TMEFF2: variants seen among roughly 807,000 people sequenced by gnomAD.
TMEFF2 encodes the protein tomoregulin-2.
TMEFF2 carries 28 observed loss-of-function variants against 53.8 expected under a neutral mutation model. That is an observed-to-expected ratio of 0.52 (90% confidence interval 0.39 to 0.71). TMEFF2 has a LOEUF of 0.71. TMEFF2 is among the 30% of genes least tolerant of loss of function. TMEFF2 has a pLI of 0.00. For missense variants in TMEFF2, 353 were observed against 455.2 expected, an observed-to-expected ratio of 0.78 and a Z score of 2.04; for synonymous variants, 162 against 166.3, an observed-to-expected ratio of 0.97 and a Z score of 0.20.
chr2:192,191,821 A>T, intron 2 of TMEFF2, 59 bp downstream of exon 2: 1 of 1,242,696 alleles, frequency 8.0e-7, no homozygotes, highest in East Asian at 2.4e-5. Flanking sequence ...CTGTAAAGGA[A>T]GATTCCTGCT....
intron 2 of TMEFF2, among the ~76,000 whole-genome samples, chr2:192,185,163 T>C (rs1033612417): frequency 6.6e-6 from 1 of 152,070 alleles, no homozygotes; most frequent in Non-Finnish European, 1.5e-5. Context: ...AAAGTATGTC[T>C]ATTAATAGAT....
intron 4 of TMEFF2, chr2:192,176,885 T>G (rs1029973731): frequency 1.5e-4 from 23 of 151,194 alleles, no homozygotes; most frequent in Non-Finnish European, 4.5e-5. Context: ...GATTTTAGAT[T>G]TGTAAGTTTA....
chr2:192,013,396 CCT>C (rs924672280), intron 5 of TMEFF2, among the ~76,000 whole-genome samples: 1 of 152,064 alleles, frequency 6.6e-6, no homozygotes, highest in African/African-American at 2.4e-5. Flanking sequence ...ACAAACCTAC[CCT>C]GAGTGCCCTA....
intron 3 of TMEFF2, among the ~76,000 whole-genome samples, chr2:192,183,226 T>C (rs1691229333): frequency 6.6e-6 from 1 of 152,060 alleles, no homozygotes; most frequent in South Asian, 2.1e-4. Flanking sequence ...CTTCTGCTAA[T>C]TCTCAGAAAC....
rs1691559381 is a variant in TMEFF2 at position 192,194,574 on chromosome 2, G to A, written c.-50C>T. On this transcript the variant is annotated 5_prime_UTR_variant, in exon 1 of 10. Coordinates refer to ENST00000272771, the MANE Select transcript of TMEFF2 (RefSeq NM_016192.4). This position sits in a 1 kb window ranked among gnomAD's most constrained non-coding sequence, Gnocchi z 4.2. The stretch of plus-strand genomic sequence containing the variant: ...AGCAAACGGCTTCCGAGGAACACAG[G>A]ATCGCGGGGGCCGGGCAGCGGGCTA... 6.3e-7 allele frequency: 1 copy of A among 1,584,882 alleles called. No individual in the cohort carries two copies. The highest frequency in any genetic ancestry group is 8.6e-7 in the Non-Finnish European group (1 of 1,160,780).
intron 4 of TMEFF2, among the ~76,000 whole-genome samples, chr2:192,134,295 C>A (rs192107226): frequency 1.3e-3 from 198 of 152,322 alleles, no homozygotes; most frequent in African/African-American, 4.3e-3. Context: ...AGATACCACA[C>A]CTGATCCCCA....
At chr2:192,034,335 A>C (rs1420136101) in intron 5 of TMEFF2, among the ~76,000 whole-genome samples, 1 of 152,186 alleles carries the variant, frequency 6.6e-6, no homozygotes, top group Non-Finnish European at 1.5e-5. Flanking sequence ...CCTAAAATTT[A>C]AAGTTAGGTT....
intron 4 of TMEFF2, among the ~76,000 whole-genome samples, chr2:192,081,800 C>CTTTTT (rs900552541): frequency 5.4e-5 from 7 of 130,354 alleles, no homozygotes; most frequent in African/African-American, 1.8e-4. Flanking sequence ...AACGATTTCC[C>CTTTTT]TTTTTTTTTT....
At chr2:192,092,983 G>A (rs1461528924) in intron 4 of TMEFF2, among the ~76,000 whole-genome samples, 1 of 152,058 alleles carries the variant, frequency 6.6e-6, no homozygotes, top group Non-Finnish European at 1.5e-5. Flanking sequence ...AACCCACTAG[G>A]TTTATGGTAA....
chr2:192,193,753 TAGATAGATAG>T (rs1317799144), intron 1 of TMEFF2, among the ~76,000 whole-genome samples: 3,182 of 122,652 alleles, frequency 0.026, 162 homozygotes, highest in Middle Eastern at 0.042. Context: ...GAGAGAGAGA[TAGATAGATAG>T]AGAGAGAGAG....
At chr2:192,053,479 C>T (rs1196111499) in intron 5 of TMEFF2, among the ~76,000 whole-genome samples, 2 of 152,090 alleles carry the variant, frequency 1.3e-5, no homozygotes, top group South Asian at 4.1e-4. Flanking sequence ...TAATTTTTCA[C>T]CTTAGTTTCA....
At chr2:191,986,847 G>A (rs2105821252) in intron 7 of TMEFF2, among the ~76,000 whole-genome samples, 1 of 134,218 alleles carries the variant, frequency 7.5e-6, no homozygotes, top group East Asian at 2.1e-4. Context: ...GACAGAGTGA[G>A]ACTCCGTCTC....
chr2:192,109,052 G>A (rs1050416915), intron 4 of TMEFF2, among the ~76,000 whole-genome samples: 3 of 152,030 alleles, frequency 2.0e-5, no homozygotes, highest in African/African-American at 4.8e-5. Flanking sequence ...AATGGGTAGT[G>A]TTTCTGTTTA....
At chr2:192,009,823 C>A (rs1221062877) in intron 5 of TMEFF2, among the ~76,000 whole-genome samples, 1 of 152,030 alleles carries the variant, frequency 6.6e-6, no homozygotes, top group Non-Finnish European at 1.5e-5. Flanking sequence ...ATGTTTGCAT[C>A]TGTTCAAATT....
At chr2:192,175,984 T>C (rs1453070953) in intron 4 of TMEFF2, among the ~76,000 whole-genome samples, 2 of 151,472 alleles carry the variant, frequency 1.3e-5, no homozygotes, top group Non-Finnish European at 3.0e-5. Flanking sequence ...TTAAAAATTA[T>C]TCTTTAACCA....
rs111733023 is a variant in TMEFF2 at position 192,075,285 on chromosome 2, TTATA to T, written c.440-17514_440-17511del. ...TTATTATACCCAGAGTACAGTACTA[TTATA>T]TATATATATATATATATATATATAT... is the stretch of plus-strand genomic sequence containing the variant. On this transcript the variant is annotated intron_variant, in intron 4 of 9. Coordinates refer to ENST00000272771, the MANE Select transcript of TMEFF2 (RefSeq NM_016192.4). 1.9e-3 allele frequency among the ~76,000 whole-genome samples: 126 copies of T among 65,726 alleles called. 1 individual carries two copies. Among genetic ancestry groups the T allele is most frequent in the East Asian group, 0.017 (8 of 470 alleles). The allele number at this position is 65,726 out of a possible 152,430, so 43.1% of individuals were successfully genotyped here.
intron 4 of TMEFF2, among the ~76,000 whole-genome samples, chr2:192,160,118 C>A (rs1690598037): frequency 6.6e-6 from 1 of 152,042 alleles, no homozygotes; most frequent in Non-Finnish European, 1.5e-5. Flanking sequence ...GAGACTTAGG[C>A]CTCTTAGGTG....
Position 192,084,521 on chromosome 2 carries a change from TACTGAA to T in TMEFF2, c.440-26752_440-26747del, listed in dbSNP as rs1350308181. 7.2e-5 allele frequency among the ~76,000 whole-genome samples: 11 copies of T among 152,330 alleles called. No individual in the cohort carries two copies. In the East Asian group the frequency reaches 2.1e-3, roughly 29 times the overall value. On this transcript the variant is annotated intron_variant, in intron 4 of 9. Transcript: ENST00000272771. Reference sequence around the variant, plus strand: ...AACGGACCCAAAGTGGAAGGACTCTTACTGAAGAGAAGAAAAAGATAAAATCACATT... The same window carrying T: ...AACGGACCCAAAGTGGAAGGACTCTTGAGAAGAAAAAGATAAAATCACATT...
intron 7 of TMEFF2, among the ~76,000 whole-genome samples, chr2:191,994,720 G>A (rs1168949569): frequency 6.6e-6 from 1 of 151,990 alleles, no homozygotes; most frequent in Non-Finnish European, 1.5e-5. Flanking sequence ...AGCTTTGTGT[G>A]TTTGTAAAAT....
Sources: allele counts gnomAD v4.1 joint callset (sites outside exome capture counted in the v4.1 genomes callset), GRCh38; gene constraint gnomAD v4.1.1; non-coding constraint Gnocchi (gnomAD v3.1); transcripts MANE v1.5; gene names NCBI Gene and HGNC (gene_info 2026-07-23, HGNC 2026-07-21).